Variants in EPB41L2 observed in about 807,000 individuals in gnomAD.
The protein encoded by EPB41L2 is erythrocyte membrane protein band 4.1 like 2.
EPB41L2 carries 43 observed loss-of-function variants against 113.0 expected under a neutral mutation model. That is an observed-to-expected ratio of 0.38 (90% confidence interval 0.30 to 0.49). The LOEUF is 0.49. Ranked by LOEUF, EPB41L2 falls within the 20% of genes least tolerant of loss-of-function variation. The pLI is 0.95. For synonymous variants in EPB41L2, 442 were observed against 436.7 expected, an observed-to-expected ratio of 1.01 and a Z score of -0.15; for missense variants, 1,147 against 1,223.4, an observed-to-expected ratio of 0.94 and a Z score of 0.93.
intron 3 of EPB41L2, among the ~76,000 whole-genome samples, chr6:130,941,786 C>T (rs1437426916): frequency 2.6e-5 from 4 of 152,154 alleles, no homozygotes; most frequent in African/African-American, 9.7e-5. Context: ...ATGAAGTACA[C>T]TTATGAGATG....
At chr6:130,902,993 A>C (rs905679579) in intron 6 of EPB41L2, among the ~76,000 whole-genome samples, 11 of 152,214 alleles carry the variant, frequency 7.2e-5, no homozygotes. Context: ...GGCCACAAGT[A>C]CAGGCAGGTG....
intron 4 of EPB41L2, among the ~76,000 whole-genome samples, chr6:130,920,801 T>A (rs4357158): frequency 0.02 from 2,991 of 152,250 alleles, 53 homozygotes; most frequent in Non-Finnish European, 0.031. Flanking sequence ...TGAGCCACCA[T>A]ACCTGGCCTC....
intron 1 of EPB41L2, among the ~76,000 whole-genome samples, chr6:131,020,068 AT>A (rs1292178089): frequency 6.6e-6 from 1 of 152,088 alleles, no homozygotes; most frequent in Non-Finnish European, 1.5e-5. Context: ...TTTTGCTGGT[AT>A]TTTCAAAAGT....
At chr6:130,861,686 A>G (rs1221943883) in intron 18 of EPB41L2, among the ~76,000 whole-genome samples, 3 of 152,078 alleles carry the variant, frequency 2.0e-5, no homozygotes, top group Non-Finnish European at 4.4e-5. Flanking sequence ...AGCCTGGCCA[A>G]CACAGTGAAA....
chr6:131,013,496 T>C (rs1426612540), intron 1 of EPB41L2: 2 of 152,176 alleles, frequency 1.3e-5, no homozygotes, highest in African/African-American at 2.4e-5. Context: ...AGATTAAAAA[T>C]TCACTTTATA....
chr6:131,053,434 T>TAAA (rs71030727), intron 1 of EPB41L2, among the ~76,000 whole-genome samples: 222 of 88,810 alleles, frequency 2.5e-3, no homozygotes, highest in Non-Finnish European at 3.3e-3. Context: ...ATGGAAATGA[T>TAAA]AAAAAAAAAA....
chr6:130,895,225 G>C (rs1048261710), intron 8 of EPB41L2, 106 bp from the exon 9 acceptor site: 1 of 1,311,558 alleles, frequency 7.6e-7, no homozygotes, highest in East Asian at 2.4e-5. Flanking sequence ...CAGTTTAACA[G>C]GTTTGTATTT....
At chr6:130,987,326 T>TA (rs1390887272) in intron 1 of EPB41L2, among the ~76,000 whole-genome samples, 1 of 152,218 alleles carries the variant, frequency 6.6e-6, no homozygotes, top group Non-Finnish European at 1.5e-5. Context: ...TGACTGCACT[T>TA]ACATTCCCAC....
intron 1 of EPB41L2, among the ~76,000 whole-genome samples, chr6:130,979,162 C>T (rs116541184): frequency 5.5e-4 from 84 of 152,178 alleles, no homozygotes; most frequent in African/African-American, 1.9e-3. Context: ...ATGACTTTGG[C>T]AGCCACATGA....
At chr6:130,912,868 A>G (rs1334689) in intron 4 of EPB41L2, among the ~76,000 whole-genome samples, 118,777 of 152,028 alleles carry the variant, frequency 0.78, 46,907 homozygotes, top group East Asian at 1. Flanking sequence ...AAGAAAAACG[A>G]AATTGAATGG....
At chr6:131,016,909 G>C (rs1788369535) in intron 1 of EPB41L2, among the ~76,000 whole-genome samples, 2 of 151,282 alleles carry the variant, frequency 1.3e-5, no homozygotes, top group Non-Finnish European at 2.9e-5. Context: ...CTCACCACTG[G>C]GTCTCTTAAA....
chr6:130,853,312 GT>G (rs1249523104), intron 19 of EPB41L2, among the ~76,000 whole-genome samples: 1 of 152,140 alleles, frequency 6.6e-6, no homozygotes, highest in Non-Finnish European at 1.5e-5. Context: ...TGAAGTCTGG[GT>G]TGGGAGAGCT....
chr6:130,940,519 G>A (rs1810454662), intron 3 of EPB41L2, among the ~76,000 whole-genome samples: 1 of 150,150 alleles, frequency 6.7e-6, no homozygotes, highest in African/African-American at 2.5e-5. Context: ...AGGCTGCACT[G>A]CAGTGGCATG....
chr6:130,890,203 C>A (rs1319792224), intron 11 of EPB41L2, 91 bp downstream of exon 11: 2 of 1,362,348 alleles, frequency 1.5e-6, no homozygotes, highest in Non-Finnish European at 2.0e-6. Flanking sequence ...TAGGGTATTT[C>A]TGGTGGCTTT....
chr6:130,996,736 T>A (rs7752292), intron 1 of EPB41L2, among the ~76,000 whole-genome samples: 62,428 of 152,004 alleles, frequency 0.41, 13,001 homozygotes, highest in East Asian at 0.52. Flanking sequence ...CTTTAACCTA[T>A]GTGAACATAT....
In EPB41L2 at chr6:130,956,204, T is replaced by C; in HGVS notation, c.282A>G (p.Lys94=). 1 of 1,614,206 alleles carries C rather than the reference T, an allele frequency of 6.2e-7. No individual in the cohort carries two copies. Among genetic ancestry groups the C allele is most frequent in the South Asian group, 1.1e-5 (1 of 91,084 alleles). Residue 94 remains lysine (K), a synonymous_variant, in exon 2 of 20, where the codon AAA becomes AAG. Coordinates refer to ENST00000337057, the MANE Select transcript of EPB41L2 (RefSeq NM_001431.4). ...TAGGCTCTTTTTTATCTCCTCCATCTTTGGCCACTACTAAGGTATATGACT... is the reference window on the plus strand; with the variant it reads ...TAGGCTCTTTTTTATCTCCTCCATCCTTGGCCACTACTAAGGTATATGACT... ...KQKSYTLVVA[K]DGGDKKEPTQ... is the part of the protein sequence containing the mutation.
chr6:130,919,080 A>C, intron 4 of EPB41L2, among the ~76,000 whole-genome samples: 1 of 152,316 alleles, frequency 6.6e-6, no homozygotes, highest in Middle Eastern at 3.4e-3. Flanking sequence ...TGAATAATTA[A>C]AGATATTGCT....
chr6:130,913,686 G>A (rs955417701), intron 4 of EPB41L2, among the ~76,000 whole-genome samples: 2 of 151,758 alleles, frequency 1.3e-5, no homozygotes, highest in African/African-American at 4.8e-5. Flanking sequence ...GATGGTAAGT[G>A]GGGTATAGCA....
intron 19 of EPB41L2, among the ~76,000 whole-genome samples, chr6:130,849,388 C>CCT (rs1225324873): frequency 6.6e-6 from 1 of 152,178 alleles, no homozygotes; most frequent in Non-Finnish European, 1.5e-5. Context: ...CTGTCTTGCC[C>CCT]CTCTCCCCAC....
Sources: gnomAD v4.1 joint callset for allele counts (sites outside exome capture counted in the v4.1 genomes callset) on GRCh38, gnomAD v4.1.1 for gene constraint, MANE v1.5 for transcripts, NCBI Gene and HGNC (gene_info 2026-07-23, HGNC 2026-07-21) for gene names.